The following PCDHA3 variants were observed in gnomAD, a reference collection of about 807,000 sequenced individuals.
PCDHA3 encodes protocadherin alpha 3, also known as protocadherin alpha-3.
PCDHA3 carries 41 observed loss-of-function variants against 62.2 expected under a neutral mutation model. That is an observed-to-expected ratio of 0.66 (90% CI 0.51 to 0.86). The LOEUF (loss-of-function observed/expected upper bound fraction) is 0.86. PCDHA3 is among the 40% of genes least tolerant of loss of function. The pLI is 0.00. For missense variants in PCDHA3, 1,304 were observed against 1,241.2 expected (o/e 1.05, Z -0.76); for synonymous variants, 640 against 555.4 (o/e 1.15, Z -2.14).
At chr5:140,863,314 T>A in intron 1 of PCDHA3, 1 of 1,458,118 alleles carries the variant, frequency 6.9e-7, no homozygotes, top group Non-Finnish European at 9.3e-7. Context: ...CTGCGTGGTG[T>A]CCAGCCTGTT....
intron 1 of PCDHA3, chr5:140,828,097 G>A: frequency 6.2e-7 from 1 of 1,606,162 alleles, no homozygotes; most frequent in Non-Finnish European, 8.5e-7. Flanking sequence ...TTGACATGGT[G>A]TTTACCCCGG....
rs2150230221 is a variant in PCDHA3 at position 140,835,046 on chromosome 5, G to A, written c.2394+31455G>A. The A allele has an allele frequency of 6.3e-6, 8 of 1,261,804 alleles. No individual in the cohort carries two copies. The East Asian group carries it at 1.6e-4, about 24-fold the overall frequency. 78.2% of individuals were successfully genotyped at this position (1,261,804 alleles called of 1,614,324 possible). On this transcript the variant is annotated intron_variant, in intron 1 of 3. Transcript: ENST00000522353. ...CGGCCACCGATGGAGGCAAACCCGAGCTGACTGGCACCGTTCAATTACTCA... is the reference window on the plus strand; with the variant it reads ...CGGCCACCGATGGAGGCAAACCCGAACTGACTGGCACCGTTCAATTACTCA...
intron 1 of PCDHA3, chr5:140,822,583 G>A (rs772485263): frequency 6.2e-7 from 1 of 1,612,276 alleles, no homozygotes; most frequent in Non-Finnish European, 8.5e-7. Context: ...AGATGCAGAT[G>A]AGGGCATCAA....
intron 1 of PCDHA3, among the ~76,000 whole-genome samples, chr5:140,949,115 T>G (rs2094346093): frequency 6.6e-6 from 1 of 151,756 alleles, no homozygotes; most frequent in African/African-American, 2.4e-5. Context: ...TACAAATATT[T>G]TTGGTTTTCC....
rs189949937 is a variant in PCDHA3 at position 140,920,653 on chromosome 5, T to C, written c.2395-58296T>C. On this transcript the variant is annotated intron_variant, in intron 1 of 3. Coordinates refer to ENST00000522353, the MANE Select transcript of PCDHA3 (RefSeq NM_018906.3). ...AAGGTCAAGAGATTGAGACCATCCT[T>C]GCCAACATGGTGAAACCCCATCTCT... is the stretch of plus-strand genomic sequence containing the variant. Among the ~76,000 whole-genome samples, 1,219 of 152,042 alleles carry C rather than the reference T, an allele frequency of 8.0e-3. 5 individuals carry two copies. Among genetic ancestry groups the C allele is most frequent in the African/African-American group, 0.019 (786 of 41,502 alleles).
At chr5:140,877,992 A>G (rs572306139) in intron 1 of PCDHA3, 7 of 1,096,526 alleles carry the variant, frequency 6.4e-6, no homozygotes, top group Non-Finnish European at 8.6e-6. Flanking sequence ...TTGAACTTTT[A>G]TGTATTTGTC....
chr5:140,913,107 CA>C (rs2076210472), intron 1 of PCDHA3, among the ~76,000 whole-genome samples: 1 of 152,078 alleles, frequency 6.6e-6, no homozygotes, highest in South Asian at 2.1e-4. Context: ...CTCATAGAAT[CA>C]GTTTGGAAGT....
chr5:140,964,252 T>G (rs569615423), intron 1 of PCDHA3, among the ~76,000 whole-genome samples: 6 of 152,332 alleles, frequency 3.9e-5, no homozygotes, highest in African/African-American at 1.2e-4. Flanking sequence ...GGCTTTATAT[T>G]TGACTCCTTA....
chr5:140,857,154 C>T (rs147581214), intron 1 of PCDHA3: 7 of 1,598,342 alleles, frequency 4.4e-6, no homozygotes, highest in Non-Finnish European at 6.0e-6. Flanking sequence ...ACCGTCATTG[C>T]CCTAATCAGC....
chr5:140,992,393 A>G (rs2097508684), intron 3 of PCDHA3, among the ~76,000 whole-genome samples: 1 of 152,180 alleles, frequency 6.6e-6, no homozygotes, highest in African/African-American at 2.4e-5. Context: ...TTCTGGACTT[A>G]GAGATATTGT....
At chr5:140,880,509 T>G (rs754891409) in intron 1 of PCDHA3, among the ~76,000 whole-genome samples, 134 of 152,182 alleles carry the variant, frequency 8.8e-4, no homozygotes, top group Non-Finnish European at 1.6e-3. Flanking sequence ...TTCTGTTTGG[T>G]CACATCTCTC....
rs201271180 is a variant in PCDHA3, at chr5:140,836,512, T to A, written c.2394+32921T>A. 12 of 1,613,844 alleles carry A rather than the reference T, an allele frequency of 7.4e-6. No individual in the cohort carries two copies. The highest frequency in any genetic ancestry group is 1.0e-5 in the Non-Finnish European group (12 of 1,179,842). On this transcript the variant is annotated intron_variant, in intron 1 of 3. Coordinates refer to ENST00000522353, the MANE Select transcript of PCDHA3 (RefSeq NM_018906.3). ...ATCGCCATCTGCGCGGTGTCCAGTC[T>A]GTTGGTGCTTACCCTGCTGCTGTAC... is the stretch of plus-strand genomic sequence containing the variant.
At chr5:141,003,870 C>A (rs1345140541) in intron 3 of PCDHA3, among the ~76,000 whole-genome samples, 8 of 152,148 alleles carry the variant, frequency 5.3e-5, no homozygotes, top group Admixed American at 3.9e-4. Flanking sequence ...GTCTGAAATC[C>A]TCCTTCTAGC....
chr5:140,882,666 T>G, intron 1 of PCDHA3: 1 of 1,614,160 alleles, frequency 6.2e-7, no homozygotes, highest in Non-Finnish European at 8.5e-7. Flanking sequence ...CCGCCCATAT[T>G]CCCTGAAAGC....
intron 1 of PCDHA3, among the ~76,000 whole-genome samples, chr5:140,915,929 C>A (rs1554197194): frequency 1.3e-5 from 2 of 152,144 alleles, no homozygotes; most frequent in African/African-American, 4.8e-5. Context: ...ACTTGGGAGT[C>A]AGGGATTGGA....
intron 1 of PCDHA3, chr5:140,882,765 CGG>C: frequency 6.2e-7 from 1 of 1,614,222 alleles, no homozygotes; most frequent in Non-Finnish European, 8.5e-7. Flanking sequence ...GGAGTAAACT[CGG>C]CATTGACCTA....
intron 1 of PCDHA3, chr5:140,877,117 G>C: frequency 6.2e-7 from 1 of 1,613,720 alleles, no homozygotes; most frequent in Non-Finnish European, 8.5e-7. Flanking sequence ...GGGCAGCAAC[G>C]TGACGCTGCA....
rs782301019 is a variant in PCDHA3 at position 140,876,753 on chromosome 5, G to T, written c.2394+73162G>T. On this transcript the variant is annotated intron_variant, in intron 1 of 3. Coordinates refer to ENST00000522353, the MANE Select transcript of PCDHA3 (RefSeq NM_018906.3). ...CGGCCTATGAGCTGGTGGTGACTGC[G>T]CGGGATGGGGGCTCGCCTTCGCTGT... is the stretch of plus-strand genomic sequence containing the variant. 1.1e-5 allele frequency: 17 copies of T among 1,614,128 alleles called. No homozygotes were observed. In the Admixed American group the frequency reaches 2.8e-4, roughly 27 times the overall value.
intron 1 of PCDHA3, among the ~76,000 whole-genome samples, chr5:140,936,322 A>C (rs1225268806): frequency 2.6e-5 from 4 of 152,196 alleles, no homozygotes; most frequent in Admixed American, 6.5e-5. Context: ...CTGACATGCT[A>C]TAAATTTTCT....
Sources: gnomAD v4.1 joint callset for allele counts (sites outside exome capture counted in the v4.1 genomes callset) on GRCh38, gnomAD v4.1.1 for gene constraint, MANE v1.5 for transcripts, NCBI Gene and HGNC (gene_info 2026-07-23, HGNC 2026-07-21) for gene names.